The following EPM2A variants were observed in gnomAD, a reference collection of about 807,000 sequenced individuals.
The protein encoded by EPM2A is laforin.
EPM2A carries 21 observed loss-of-function variants against 26.5 expected under a neutral mutation model. The ratio of observed to expected loss-of-function variants is 0.79; its 90% CI spans 0.56 to 1.14. EPM2A has a LOEUF of 1.14. Among genes scored for constraint, EPM2A ranks in the 50% most tolerant of loss-of-function variants. The pLI is 0.00. For missense variants in EPM2A, 458 were observed against 440.8 expected, an observed-to-expected ratio of 1.04 and a Z score of -0.35; for synonymous variants, 217 against 177.6, an observed-to-expected ratio of 1.22 and a Z score of -1.76.
intron 4 of EPM2A, among the ~76,000 whole-genome samples, chr6:145,447,456 T>G (rs1779141389): frequency 6.6e-6 from 1 of 152,126 alleles, no homozygotes; most frequent in African/African-American, 2.4e-5. Context: ...TATATACATC[T>G]GCTAATTGGT....
intron 2 of EPM2A, among the ~76,000 whole-genome samples, chr6:145,583,905 G>C (rs940710301): frequency 6.6e-6 from 1 of 152,246 alleles, no homozygotes; most frequent in African/African-American, 2.4e-5. Flanking sequence ...TGCCCTGGTG[G>C]TGGCAGTGCT....
intron 1 of EPM2A, among the ~76,000 whole-genome samples, chr6:145,704,073 T>C (rs1241093371): frequency 6.6e-6 from 1 of 152,244 alleles, no homozygotes; most frequent in Non-Finnish European, 1.5e-5. Flanking sequence ...TACATCAAAG[T>C]AATCTGCTTA....
intron 2 of EPM2A, among the ~76,000 whole-genome samples, chr6:145,592,100 T>C (rs1192143004): frequency 6.6e-6 from 1 of 151,726 alleles, no homozygotes; most frequent in Non-Finnish European, 1.5e-5. Context: ...CATGTTGGTG[T>C]GCTGCACCCG....
At chr6:145,503,154 A>G (rs1779917811) in intron 2 of EPM2A, among the ~76,000 whole-genome samples, 1 of 152,228 alleles carries the variant, frequency 6.6e-6, no homozygotes, top group Non-Finnish European at 1.5e-5. Context: ...AGATGTGTAT[A>G]GAGGAAAGCT....
At chr6:145,698,318 G>A (rs190900628) in intron 1 of EPM2A, among the ~76,000 whole-genome samples, 9 of 152,292 alleles carry the variant, frequency 5.9e-5, no homozygotes, top group African/African-American at 1.2e-4. Flanking sequence ...CCAGTATGAC[G>A]CGTTAGCCCT....
intron 2 of EPM2A, among the ~76,000 whole-genome samples, chr6:145,550,121 A>G (rs1328981068): frequency 1.3e-5 from 2 of 152,060 alleles, no homozygotes; most frequent in East Asian, 3.9e-4. Flanking sequence ...ATTACTTCAA[A>G]CTGAGGGAAC....
chr6:145,572,753 G>A (rs531182585), intron 2 of EPM2A, among the ~76,000 whole-genome samples: 1 of 152,298 alleles, frequency 6.6e-6, no homozygotes, highest in African/African-American at 2.4e-5. Context: ...GATCTGCTAG[G>A]TCATATGACC....
chr6:145,383,909 T>C (rs189514013), exon 5 of EPM2A: 9 of 152,332 alleles, frequency 5.9e-5, no homozygotes, highest in Non-Finnish European at 1.3e-4. Flanking sequence ...CTTTAACATA[T>C]AGATCTGTTA....
At chr6:145,529,150 T>C (rs1479335392) in intron 2 of EPM2A, among the ~76,000 whole-genome samples, 8 of 152,150 alleles carry the variant, frequency 5.3e-5, no homozygotes, top group African/African-American at 1.9e-4. Flanking sequence ...AGATAGAGAC[T>C]ACTCCTGGTG....
intron 4 of EPM2A, among the ~76,000 whole-genome samples, chr6:145,426,336 C>T (rs1485747589): frequency 6.6e-6 from 1 of 152,160 alleles, no homozygotes; most frequent in East Asian, 1.9e-4. Context: ...CCAGTAGGCT[C>T]CTAAAAACTT....
intron 2 of EPM2A, among the ~76,000 whole-genome samples, chr6:145,598,636 CTTTCT>C (rs1781379620): frequency 6.6e-6 from 1 of 151,940 alleles, no homozygotes; most frequent in African/African-American, 2.4e-5. Context: ...AATTTTTTGC[CTTTCT>C]TGCAATAGCT....
intron 4 of EPM2A, among the ~76,000 whole-genome samples, chr6:145,470,530 A>G (rs1179111201): frequency 9.2e-5 from 14 of 152,062 alleles, no homozygotes; most frequent in Admixed American, 9.2e-4. Flanking sequence ...TTATTTTTAT[A>G]TTTGCCATTT....
chr6:145,685,999 A>T, intron 2 of EPM2A, 123 bp downstream of exon 2: 1 of 806,880 alleles, frequency 1.2e-6, no homozygotes, highest in Non-Finnish European at 2.1e-6. Context: ...TCCTCAAAGT[A>T]CTACAGGCCT....
At chr6:145,492,676 G>C (rs1779770187) in intron 4 of EPM2A, among the ~76,000 whole-genome samples, 1 of 152,210 alleles carries the variant, frequency 6.6e-6, no homozygotes. Flanking sequence ...GAGTGAGAAG[G>C]TGATTTTCCA....
chr6:145,603,731 CAAT>C (rs1488597674), intron 2 of EPM2A, among the ~76,000 whole-genome samples: 3 of 152,096 alleles, frequency 2.0e-5, no homozygotes, highest in African/African-American at 7.2e-5. Context: ...CTTAGAAGGC[CAAT>C]ATTATTTCTG....
At chr6:145,619,861 C>G (rs978345887) in intron 2 of EPM2A, among the ~76,000 whole-genome samples, 1 of 152,020 alleles carries the variant, frequency 6.6e-6, no homozygotes, top group East Asian at 1.9e-4. Context: ...AGGAGGAAGA[C>G]ATAATTATAA....
chr6:145,567,132 A>C (rs527487983), intron 2 of EPM2A, among the ~76,000 whole-genome samples: 2 of 152,340 alleles, frequency 1.3e-5, no homozygotes, highest in African/African-American at 4.8e-5. Context: ...GTTACACAGT[A>C]TCCCATTCAT....
At chr6:145,473,420 G>T (rs1193120371) in intron 4 of EPM2A, among the ~76,000 whole-genome samples, 2 of 151,970 alleles carry the variant, frequency 1.3e-5, no homozygotes, top group African/African-American at 4.8e-5. Context: ...CTAGAAAATA[G>T]CCTCAGAAGG....
intron 4 of EPM2A, chr6:145,489,560 G>A (rs1174956425): frequency 2.7e-6 from 2 of 750,216 alleles, no homozygotes; most frequent in Non-Finnish European, 4.2e-6. Context: ...TTAGCTTAAG[G>A]ACAGTCATAC....
Sources: gnomAD v4.1 joint callset for allele counts (sites outside exome capture counted in the v4.1 genomes callset) on GRCh38, gnomAD v4.1.1 for gene constraint, MANE v1.5 for transcripts, NCBI Gene and HGNC (gene_info 2026-07-23, HGNC 2026-07-21) for gene names.